The following TENM3 variants were observed in gnomAD, a reference collection of about 807,000 sequenced individuals.
TENM3 encodes teneurin transmembrane protein 3.
A neutral mutation model predicts 255.1 loss-of-function variants in TENM3; 63 were observed. The observed-to-expected ratio is 0.25, with a 90% confidence interval of 0.20 to 0.30. The LOEUF is 0.30. TENM3 is among the 10% of genes least tolerant of loss of function. The pLI, the probability that TENM3 is intolerant of heterozygous loss-of-function variation, is 1.00. For missense variants in TENM3, 2,929 were observed against 3,461.1 expected (o/e 0.85, Z 3.86); for synonymous variants, 1,306 against 1,322.3 (o/e 0.99, Z 0.27).
intron 3 of TENM3, among the ~76,000 whole-genome samples, chr4:182,517,290 A>G (rs887528509): frequency 1.3e-5 from 2 of 152,272 alleles, no homozygotes; most frequent in African/African-American, 4.8e-5. Flanking sequence ...TTGTTGTCTC[A>G]GAGCTTCACG....
chr4:182,427,129 A>G (rs1771279277), intron 3 of TENM3, among the ~76,000 whole-genome samples: 1 of 152,132 alleles, frequency 6.6e-6, no homozygotes. Context: ...CAGTATAAAC[A>G]TTATTACTTT....
chr4:182,345,159 G>A (rs771515270), intron 2 of TENM3, among the ~76,000 whole-genome samples: 2 of 152,110 alleles, frequency 1.3e-5, no homozygotes, highest in African/African-American at 2.4e-5. Context: ...AAGTCTGACC[G>A]AGATAAAGCT....
At chr4:181,798,879 C>T in the TENM3 span, among the ~76,000 whole-genome samples, 21 of 152,142 alleles carry the variant, frequency 1.4e-4, no homozygotes, top group Non-Finnish European at 2.8e-4. Context: ...ACAAATGTAA[C>T]AGTGTGAGCC....
the TENM3 span, among the ~76,000 whole-genome samples, chr4:182,009,018 G>A: frequency 1.3e-5 from 2 of 152,026 alleles, no homozygotes; most frequent in Non-Finnish European, 2.9e-5. Flanking sequence ...AGTTTGCTGG[G>A]GGTTCACTTC....
At chr4:181,886,608 T>C in the TENM3 span, among the ~76,000 whole-genome samples, 2 of 152,218 alleles carry the variant, frequency 1.3e-5, no homozygotes, top group African/African-American at 2.4e-5. Flanking sequence ...ACAAATCAAG[T>C]GTATTTTACA....
At chr4:181,841,602 A>T in the TENM3 span, among the ~76,000 whole-genome samples, 1 of 152,262 alleles carries the variant, frequency 6.6e-6, no homozygotes, top group Non-Finnish European at 1.5e-5. Flanking sequence ...TATTCTTCTG[A>T]CATTTCAGTT....
intron 1 of TENM3, among the ~76,000 whole-genome samples, chr4:182,290,409 A>G (rs747434225): frequency 6.6e-6 from 1 of 152,176 alleles, no homozygotes; most frequent in African/African-American, 2.4e-5. Flanking sequence ...TTATCTCTAC[A>G]ATGCCTAGAA....
At chr4:181,532,052 C>T in the TENM3 span, among the ~76,000 whole-genome samples, 3 of 152,064 alleles carry the variant, frequency 2.0e-5, no homozygotes, top group Admixed American at 6.5e-5. Context: ...GAAAGAAAGC[C>T]ATTATGTCTT....
chr4:182,489,079 C>T (rs1478203480), intron 3 of TENM3, among the ~76,000 whole-genome samples: 1 of 152,124 alleles, frequency 6.6e-6, no homozygotes, highest in African/African-American at 2.4e-5. Flanking sequence ...CTTTTCTGGA[C>T]ATAAGATACT....
At chr4:181,560,342 A>C in the TENM3 span, among the ~76,000 whole-genome samples, 1 of 152,232 alleles carries the variant, frequency 6.6e-6, no homozygotes, top group African/African-American at 2.4e-5. Flanking sequence ...TTGTGAGGTC[A>C]GGTTTCAACA....
the TENM3 span, among the ~76,000 whole-genome samples, chr4:181,680,800 G>A: frequency 2.6e-5 from 4 of 151,968 alleles, no homozygotes; most frequent in Admixed American, 6.6e-5. Context: ...CAGATGCATC[G>A]TTAATCTCAA....
At chr4:181,805,516 T>A in the TENM3 span, among the ~76,000 whole-genome samples, 1 of 152,110 alleles carries the variant, frequency 6.6e-6, no homozygotes, top group Non-Finnish European at 1.5e-5. Flanking sequence ...GCAGACTAGC[T>A]CCTGTTCTGA....
At chr4:181,749,731 A>AT in the TENM3 span, among the ~76,000 whole-genome samples, 1 of 152,146 alleles carries the variant, frequency 6.6e-6, no homozygotes, top group Non-Finnish European at 1.5e-5. Context: ...TGAAAGTTAT[A>AT]TTGCAACTTC....
Position 182,621,622 on chromosome 4 carries a change from TATAAAA to T in TENM3, c.750-7028_750-7023del, listed in dbSNP as rs1561015655. On this transcript the variant is annotated intron_variant, in intron 4 of 27. Transcript: ENST00000511685. Reference sequence around the variant, plus strand: ...GTACAAAAATATATATAAATATATATATAAAATATATAATATATAATACATATTATA... The same window carrying T: ...GTACAAAAATATATATAAATATATATTATATAATATATAATACATATTATA... Among the ~76,000 whole-genome samples, 219 of 83,130 alleles carry T rather than the reference TATAAAA, an allele frequency of 2.6e-3. 10 individuals are homozygous for T. Among genetic ancestry groups the T allele is most frequent in the African/African-American group, 9.2e-3 (204 of 22,294 alleles). 54.5% of individuals were successfully genotyped at this position (83,130 alleles called of 152,430 possible). A position where few individuals can be genotyped will look rare whatever the true frequency, so the allele number is the denominator to read the frequency against.
At chr4:182,682,916 A>AT (rs980836466) in intron 11 of TENM3, among the ~76,000 whole-genome samples, 1 of 152,204 alleles carries the variant, frequency 6.6e-6, no homozygotes, top group African/African-American at 2.4e-5. Context: ...TTAATACTAT[A>AT]TTGAGTGTTA....
At chr4:182,045,484 A>C in the TENM3 span, among the ~76,000 whole-genome samples, 1 of 152,090 alleles carries the variant, frequency 6.6e-6, no homozygotes, top group Non-Finnish European at 1.5e-5. Context: ...AGAAGACCGA[A>C]GTTTAGAAAA....
At chr4:182,771,098 G>A (rs1361020392) in intron 22 of TENM3, among the ~76,000 whole-genome samples, 1 of 152,196 alleles carries the variant, frequency 6.6e-6, no homozygotes, top group African/African-American at 2.4e-5. Flanking sequence ...TTCCTGGGCT[G>A]TATCTCCCTG....
the TENM3 span, among the ~76,000 whole-genome samples, chr4:181,524,033 G>T: frequency 1.3e-5 from 2 of 152,038 alleles, no homozygotes; most frequent in African/African-American, 4.8e-5. Flanking sequence ...ATTCTACGTG[G>T]CTCGCTGTTA....
the TENM3 span, among the ~76,000 whole-genome samples, chr4:181,742,597 TG>T: frequency 3.9e-5 from 6 of 152,164 alleles, no homozygotes; most frequent in Non-Finnish European, 5.9e-5. Context: ...ATGTGTGGTA[TG>T]GTGATAAGTA....
Sources: allele counts gnomAD v4.1 joint callset (sites outside exome capture counted in the v4.1 genomes callset), GRCh38; gene constraint gnomAD v4.1.1; transcripts MANE v1.5; gene names NCBI Gene and HGNC (gene_info 2026-07-23, HGNC 2026-07-21).